The following ACOX3 variants were observed in gnomAD, a reference collection of about 807,000 sequenced individuals.
ACOX3 encodes the protein acyl-CoA oxidase 3, pristanoyl, also known as peroxisomal acyl-coenzyme A oxidase 3.
ACOX3 carries 73 observed loss-of-function variants against 81.5 expected under a neutral mutation model. That is an observed-to-expected ratio of 0.90 (90% CI 0.74 to 1.09). The LOEUF (loss-of-function observed/expected upper bound fraction) is 1.09. Among genes scored for constraint, ACOX3 ranks in the 50% least tolerant of loss-of-function variants. The pLI is 0.00. For missense variants in ACOX3, 947 were observed against 928.0 expected, an observed-to-expected ratio of 1.02 and a Z score of -0.27; for synonymous variants, 387 against 375.1, an observed-to-expected ratio of 1.03 and a Z score of -0.37.
rs1478720912 is a variant in ACOX3 at position 8,399,251 on chromosome 4, C to T, written c.873+305G>A. Among the ~76,000 whole-genome samples the T allele has an allele frequency of 6.6e-6, 1 of 152,186 alleles. No homozygotes were observed. Among genetic ancestry groups the T allele is most frequent in the Non-Finnish European group, 1.5e-5 (1 of 68,036 alleles). The stretch of plus-strand genomic sequence containing the variant: ...GTGGACAGTTCGCCAGGAGACCCGT[C>T]TCCTTCAAATCCTCAGGGAAGCATC... On this transcript the variant is annotated intron_variant, in intron 8 of 17. Transcript: ENST00000356406. The surrounding 1 kb of genome is among the most constrained non-coding windows in gnomAD (Gnocchi z 4.9).
At chr4:8,357,976 C>T in the ACOX3 span, 1 of 153,602 alleles carries the variant, frequency 6.5e-6, no homozygotes, top group Non-Finnish European at 1.4e-5. Context: ...CCCCATTATA[C>T]CTGCCCCGCT....
At chr4:8,397,882 C>T (rs935066285) in intron 8 of ACOX3, among the ~76,000 whole-genome samples, 5 of 152,210 alleles carry the variant, frequency 3.3e-5, no homozygotes, top group South Asian at 2.1e-4. Flanking sequence ...GTATTTAAGC[C>T]GGGTGCGGCG....
Position 8,437,304 on chromosome 4 carries a change from C to A in ACOX3, c.-15+3344G>T, listed in dbSNP as rs1397410472. Among the ~76,000 whole-genome samples the A allele has an allele frequency of 6.6e-6, 1 of 151,820 alleles. No homozygotes were observed. Among genetic ancestry groups the A allele is most frequent in the Non-Finnish European group, 1.5e-5 (1 of 67,986 alleles). ...GAAAGAGCAAAAGCAACAAGTGCGGCAGCTAGGCACGCCAAGGGTTAAATT... is the reference window on the plus strand; with the variant it reads ...GAAAGAGCAAAAGCAACAAGTGCGGAAGCTAGGCACGCCAAGGGTTAAATT... On this transcript the variant is annotated intron_variant, in intron 1 of 17. Transcript: ENST00000356406. The surrounding 1 kb of genome is among the most constrained non-coding windows in gnomAD (Gnocchi z 5.2).
chr4:8,397,014 GAGCGATGGCCACGGCC>G lies in ACOX3; in HGVS notation c.963_978del (p.Ala322PhefsTer40). On this transcript the variant is annotated frameshift_variant, in exon 9 of 18. Transcript: ENST00000356406. LOFTEE classifies it high-confidence loss of function. Reference sequence around the variant, plus strand: ...TGACGCCGAGTGGCTGAGAAGCGAAGAGCGATGGCCACGGCCAGCTTTAGGTTAAGGATGGCCAGGC... The same window carrying G: ...TGACGCCGAGTGGCTGAGAAGCGAAGAGCTTTAGGTTAAGGATGGCCAGGC... 6.2e-7 allele frequency: 1 copy of G among 1,612,082 alleles called. No homozygotes were observed. Among genetic ancestry groups the G allele is most frequent in the Non-Finnish European group, 8.5e-7 (1 of 1,179,198 alleles).
chr4:8,383,157 G>C (rs1717907902), intron 13 of ACOX3, among the ~76,000 whole-genome samples: 2 of 152,222 alleles, frequency 1.3e-5, no homozygotes, highest in African/African-American at 4.8e-5. Context: ...CGGCTTGCCG[G>C]AGGTCTCAGC....
chr4:8,388,698 A>G (rs1718595176), intron 13 of ACOX3, among the ~76,000 whole-genome samples: 1 of 152,192 alleles, frequency 6.6e-6, no homozygotes, highest in Non-Finnish European at 1.5e-5. Flanking sequence ...CCTGTGCCAC[A>G]GGGGCCGAGT....
chr4:8,374,190 G>A (rs2108798580), intron 15 of ACOX3: 1 of 158,354 alleles, frequency 6.3e-6, no homozygotes, highest in Middle Eastern at 3.2e-3. Flanking sequence ...GCACATCTGT[G>A]GTGGGATCTG....
downstream of ACOX3, among the ~76,000 whole-genome samples, chr4:8,363,703 G>A (rs116410789): frequency 4.2e-3 from 646 of 152,232 alleles, 7 homozygotes; most frequent in African/African-American, 0.015. Context: ...AGATGAGGTC[G>A]GCACAGGATG....
intron 7 of ACOX3, among the ~76,000 whole-genome samples, chr4:8,401,143 G>A (rs574035612): frequency 5.9e-5 from 9 of 152,134 alleles, no homozygotes; most frequent in South Asian, 2.1e-4. Flanking sequence ...GACAGGAGGC[G>A]GAGCTCAGGC....
At chr4:8,356,358 C>G in the ACOX3 span, 1 of 372,578 alleles carries the variant, frequency 2.7e-6, no homozygotes, top group Non-Finnish European at 5.3e-6. Context: ...CAGAGCATGT[C>G]TCAGCAAGCC....
In ACOX3 at chr4:8,410,346, T is replaced by C. The variant is rs1666597211; in HGVS notation, c.553A>G (p.Ile185Val). Reference protein sequence around the residue: ...HYDPATEEFIIHSPDFEAAKF... With the variant: ...HYDPATEEFIVHSPDFEAAKF... Reference sequence around the variant, plus strand: ...GCAGCTTCGAAATCAGGGGAATGTATGATGAATTCCTGCACAAGGGAAAAT... The same window carrying C: ...GCAGCTTCGAAATCAGGGGAATGTACGATGAATTCCTGCACAAGGGAAAAT... The change falls in exon 6 of 18, where the codon ATA (isoleucine) becomes GTA (valine). Residue 185 changes from isoleucine to valine, a missense_variant. Coordinates refer to ENST00000356406, the MANE Select transcript of ACOX3 (RefSeq NM_003501.3). 1 of 1,614,062 alleles carries C rather than the reference T, an allele frequency of 6.2e-7. No individual in the cohort carries two copies. Among genetic ancestry groups the C allele is most frequent in the Non-Finnish European group, 8.5e-7 (1 of 1,179,912 alleles).
intron 1 of ACOX3, among the ~76,000 whole-genome samples, chr4:8,420,647 C>A (rs111616892): frequency 2.6e-5 from 4 of 152,164 alleles, no homozygotes; most frequent in African/African-American, 4.8e-5. Context: ...GGTACCCCCC[C>A]GTTGAATGGG....
rs1414962892 is a variant in ACOX3 at position 8,399,426 on chromosome 4, G to C, written c.873+130C>G. The C allele has an allele frequency of 5.3e-6, 4 of 751,334 alleles. No homozygotes were observed. The highest frequency in any genetic ancestry group is 8.7e-6 in the Non-Finnish European group (4 of 457,642). The allele number at this position is 751,334 out of a possible 1,614,324, so 46.5% of individuals were successfully genotyped here. ...AGCACCAGAACCCGAGCCAGGAGAA[G>C]TATGCCCCAGCGACACCTGGCCTAC... On this transcript the variant is annotated intron_variant, in intron 8 of 17. Coordinates refer to ENST00000356406, the MANE Select transcript of ACOX3 (RefSeq NM_003501.3). The surrounding 1 kb of genome is among the most constrained non-coding windows in gnomAD (Gnocchi z 4.9).
At position 8,385,573 on chromosome 4, in the gene ACOX3, T is replaced by C. The variant is rs1718207832; in HGVS notation, c.1537+3600A>G. Among the ~76,000 whole-genome samples the C allele has an allele frequency of 6.6e-6, 1 of 152,240 alleles. No individual in the cohort carries two copies. Among genetic ancestry groups the C allele is most frequent in the African/African-American group, 2.4e-5 (1 of 41,464 alleles). ...CACAGGCCCCCAAGGCACAGGGCTG[T>C]GACACTCAGCTCAGTGCAAAAATGC... On this transcript the variant is annotated intron_variant, in intron 13 of 17. Coordinates refer to ENST00000356406, the MANE Select transcript of ACOX3 (RefSeq NM_003501.3). This position sits in a 1 kb window ranked among gnomAD's most constrained non-coding sequence, Gnocchi z 5.5.
In ACOX3 at chr4:8,399,533, C is replaced by A; in HGVS notation, c.873+23G>T. 6.3e-7 allele frequency: 1 copy of A among 1,591,682 alleles called. No homozygotes were observed. The highest frequency in any genetic ancestry group is 1.1e-5 in the South Asian group (1 of 90,452). ...GAAGGCACCTGGGAAGCACGGCACA[C>A]GAACGGCCCCCCATGCCTGTACCTT... On this transcript the variant is annotated intron_variant, in intron 8 of 17. Transcript: ENST00000356406. This position sits in a 1 kb window ranked among gnomAD's most constrained non-coding sequence, Gnocchi z 4.9.
Position 8,399,658 on chromosome 4 carries a change from G to A in ACOX3, c.777-6C>T. 1 of 1,613,404 alleles carries A rather than the reference G, an allele frequency of 6.2e-7. No individual in the cohort carries two copies. Among genetic ancestry groups the A allele is most frequent in the Non-Finnish European group, 8.5e-7 (1 of 1,179,376 alleles). ...CCTTGTGGAACATGGCGAAACTGTG[G>A]GGAAGCAGCAGGGCTTCTGTTAAAC... On this transcript the variant is annotated splice_region_variant and splice_polypyrimidine_tract_variant and intron_variant, in intron 7 of 17. Coordinates refer to ENST00000356406, the MANE Select transcript of ACOX3 (RefSeq NM_003501.3). This position sits in a 1 kb window ranked among gnomAD's most constrained non-coding sequence, Gnocchi z 4.9.
chr4:8,415,401 C>T (rs1578970038), intron 3 of ACOX3, among the ~76,000 whole-genome samples: 1 of 150,794 alleles, frequency 6.6e-6, no homozygotes, highest in East Asian at 2.0e-4. Context: ...CTTTGGCCTA[C>T]TTTTTAAATT....
intron 1 of ACOX3, among the ~76,000 whole-genome samples, chr4:8,422,042 G>A (rs905346404): frequency 5.3e-5 from 8 of 152,202 alleles, no homozygotes; most frequent in East Asian, 1.9e-4. Flanking sequence ...AAAGGGAGGC[G>A]CATATTCCTA....
chr4:8,405,809 CG>C lies in ACOX3; in HGVS notation c.776+145del. On this transcript the variant is annotated intron_variant, in intron 7 of 17. Coordinates refer to ENST00000356406, the MANE Select transcript of ACOX3 (RefSeq NM_003501.3). This position sits in a 1 kb window ranked among gnomAD's most constrained non-coding sequence, Gnocchi z 7.1. Reference sequence around the variant, plus strand: ...AAGCAGGACGTGGCCAGTGCATGCACGGGGGCTAGGCGTAGGTCCCCACCGC... The same window carrying C: ...AAGCAGGACGTGGCCAGTGCATGCACGGGGCTAGGCGTAGGTCCCCACCGC... 2.4e-6 allele frequency: 2 copies of C among 819,596 alleles called. No homozygotes were observed. The highest frequency in any genetic ancestry group is 1.7e-5 in the African/African-American group (1 of 59,508). The allele number at this position is 819,596 out of a possible 1,614,324, so 50.8% of individuals were successfully genotyped here.
Sources: allele counts gnomAD v4.1 joint callset (sites outside exome capture counted in the v4.1 genomes callset), GRCh38; gene constraint gnomAD v4.1.1; non-coding constraint Gnocchi (gnomAD v3.1); transcripts MANE v1.5; gene names NCBI Gene and HGNC (gene_info 2026-07-23, HGNC 2026-07-21).